The following CSMD3 variants were observed in gnomAD, a reference collection of about 807,000 sequenced individuals.
CSMD3 encodes the protein CUB and sushi domain-containing protein 3.
CSMD3 carries 177 observed loss-of-function variants against 435.2 expected under a neutral mutation model. That is an observed-to-expected ratio of 0.41 (90% confidence interval 0.36 to 0.46). The LOEUF (loss-of-function observed/expected upper bound fraction) is 0.46. Ranked by LOEUF, CSMD3 falls within the 20% of genes least tolerant of loss-of-function variation. The pLI is 0.34. For synonymous variants in CSMD3, 1,656 were observed against 1,520.5 expected, an observed-to-expected ratio of 1.09 and a Z score of -2.07; for missense variants, 4,265 against 4,504.6, an observed-to-expected ratio of 0.95 and a Z score of 1.52.
chr8:112,995,528 C>T (rs926288598), intron 6 of CSMD3, among the ~76,000 whole-genome samples: 1 of 151,306 alleles, frequency 6.6e-6, no homozygotes, highest in Admixed American at 6.6e-5. Context: ...CTAAGTCTTA[C>T]TTGGAGGTAT....
chr8:112,489,708 T>G (rs1056862461), intron 31 of CSMD3, among the ~76,000 whole-genome samples: 4 of 152,194 alleles, frequency 2.6e-5, no homozygotes, highest in African/African-American at 9.6e-5. Flanking sequence ...ATTCATTGTT[T>G]AGTATTAAAG....
chr8:113,367,327 T>C (rs887361203), intron 1 of CSMD3, among the ~76,000 whole-genome samples: 1 of 152,030 alleles, frequency 6.6e-6, no homozygotes, highest in Non-Finnish European at 1.5e-5. Flanking sequence ...ATGAAGATTT[T>C]AAACCTATTA....
At chr8:112,947,715 T>C (rs764830017) in intron 9 of CSMD3, 75 bp downstream of exon 9, 3 of 713,452 alleles carry the variant, frequency 4.2e-6, no homozygotes, top group South Asian at 3.1e-5. Context: ...CTTTATATTA[T>C]TAGCTACTTT....
chr8:113,200,396 T>C (rs900279823), intron 3 of CSMD3, among the ~76,000 whole-genome samples: 1 of 151,694 alleles, frequency 6.6e-6, no homozygotes, highest in Non-Finnish European at 1.5e-5. Context: ...TTAGTCTACA[T>C]AGCAAGAGTG....
chr8:113,388,807 A>G (rs907395987), intron 1 of CSMD3, among the ~76,000 whole-genome samples: 1 of 151,566 alleles, frequency 6.6e-6, no homozygotes. Flanking sequence ...ACTGATTTCT[A>G]TTTCAAAAAT....
At chr8:112,327,015 C>T (rs1442679649) in intron 45 of CSMD3, among the ~76,000 whole-genome samples, 2 of 152,058 alleles carry the variant, frequency 1.3e-5, no homozygotes, top group Admixed American at 6.6e-5. Flanking sequence ...GAGTGAGACC[C>T]TGTCTCAAAA....
At chr8:112,936,113 TC>T (rs1308323582) in intron 9 of CSMD3, among the ~76,000 whole-genome samples, 1 of 152,090 alleles carries the variant, frequency 6.6e-6, no homozygotes, top group African/African-American at 2.4e-5. Context: ...GTCACAGACT[TC>T]CTCGCTTCTG....
intron 3 of CSMD3, among the ~76,000 whole-genome samples, chr8:113,224,880 T>C (rs2093009216): frequency 6.6e-6 from 1 of 151,226 alleles, no homozygotes; most frequent in Admixed American, 6.6e-5. Context: ...CATTGTGAAA[T>C]GGGGATTCAT....
intron 32 of CSMD3, among the ~76,000 whole-genome samples, chr8:112,469,343 T>C (rs1263842128): frequency 6.6e-6 from 1 of 152,004 alleles, no homozygotes; most frequent in Non-Finnish European, 1.5e-5. Flanking sequence ...CTTTCATGGG[T>C]GATTTAATTT....
intron 3 of CSMD3, among the ~76,000 whole-genome samples, chr8:113,174,983 T>A (rs938114444): frequency 2.6e-5 from 4 of 151,834 alleles, no homozygotes; most frequent in African/African-American, 7.2e-5. Flanking sequence ...AATAATAAGC[T>A]GAAAGTCATG....
At chr8:112,703,769 A>G in intron 13 of CSMD3, among the ~76,000 whole-genome samples, 1 of 152,140 alleles carries the variant, frequency 6.6e-6, no homozygotes, top group East Asian at 1.9e-4. Flanking sequence ...TGCAGCTAGA[A>G]AAGACCTTGT....
At chr8:113,054,701 C>G (rs139881098) in intron 5 of CSMD3, among the ~76,000 whole-genome samples, 242 of 152,252 alleles carry the variant, frequency 1.6e-3, no homozygotes, top group African/African-American at 5.7e-3. Flanking sequence ...AGCAACTGCC[C>G]ATTTCTTGCT....
chr8:113,117,381 G>C (rs1369904818), intron 4 of CSMD3, among the ~76,000 whole-genome samples: 2 of 152,206 alleles, frequency 1.3e-5, no homozygotes, highest in Non-Finnish European at 2.9e-5. Context: ...CAGAAGTCAA[G>C]AATTGAGGTT....
chr8:112,345,389 A>G (rs1044503411), intron 41 of CSMD3, among the ~76,000 whole-genome samples: 5 of 152,178 alleles, frequency 3.3e-5, no homozygotes, highest in African/African-American at 7.2e-5. Context: ...TACATACACA[A>G]TGAAACACTA....
At chr8:113,219,965 G>A (rs2092947912) in intron 3 of CSMD3, among the ~76,000 whole-genome samples, 1 of 151,322 alleles carries the variant, frequency 6.6e-6, no homozygotes, top group African/African-American at 2.4e-5. Flanking sequence ...AGAAAATTGG[G>A]CAAAATCATA....
At chr8:112,483,744 A>G (rs533074704) in intron 31 of CSMD3, among the ~76,000 whole-genome samples, 2 of 152,196 alleles carry the variant, frequency 1.3e-5, no homozygotes, top group Non-Finnish European at 2.9e-5. Context: ...AGGAGGATAC[A>G]AAGCTTAGAG....
chr8:113,399,106 T>TATATATATATATATATACAC (rs773585004), intron 1 of CSMD3, among the ~76,000 whole-genome samples: 227 of 95,006 alleles, frequency 2.4e-3, no homozygotes, highest in Admixed American at 2.9e-3. Context: ...TATATATATA[T>TATATATATATATATATACAC]ACACACACAC....
chr8:112,357,693 T>G (rs971125636), intron 38 of CSMD3, among the ~76,000 whole-genome samples: 1 of 152,068 alleles, frequency 6.6e-6, no homozygotes, highest in African/African-American at 2.4e-5. Context: ...CCTTGGCAGC[T>G]TCCACGTGGT....
At chr8:113,069,399 G>A (rs551952711) in intron 5 of CSMD3, among the ~76,000 whole-genome samples, 5 of 152,086 alleles carry the variant, frequency 3.3e-5, no homozygotes, top group African/African-American at 1.2e-4. Context: ...TAGTGTTATA[G>A]TTATATAGTA....
Sources: allele counts gnomAD v4.1 joint callset (sites outside exome capture counted in the v4.1 genomes callset), GRCh38; gene constraint gnomAD v4.1.1; transcripts MANE v1.5; gene names NCBI Gene and HGNC (gene_info 2026-07-23, HGNC 2026-07-21).